Variants in FANCA observed in about 807,000 individuals in gnomAD.
The protein encoded by FANCA is Fanconi anemia group A protein.
FANCA carries 236 observed loss-of-function variants against 194.3 expected under a neutral mutation model. The ratio of observed to expected loss-of-function variants is 1.21; its 90% CI spans 1.09 to 1.35. FANCA has a LOEUF of 1.35. Among genes scored for constraint, FANCA ranks in the 40% most tolerant of loss-of-function variants. The pLI is 0.00. For missense variants in FANCA, 2,628 were observed against 1,813.9 expected (o/e 1.45, Z -8.15); for synonymous variants, 1,014 against 715.8 (o/e 1.42, Z -6.65).
chr16:89,757,980 C>A (rs1374358642), intron 30 of FANCA, among the ~76,000 whole-genome samples: 1 of 152,130 alleles, frequency 6.6e-6, no homozygotes, highest in African/African-American at 2.4e-5. Context: ...CTCAGCCTCC[C>A]AAGTAGCTGG....
At position 89,739,118 on chromosome 16, in the gene FANCA, G is replaced by A. The variant is rs2062053171; in HGVS notation, c.4167+15C>T. On this transcript the variant is annotated intron_variant, in intron 41 of 42. Coordinates refer to ENST00000389301, the MANE Select transcript of FANCA (RefSeq NM_000135.4). ...GGGGAGCTCCCCTGGAGGTGGGACT[G>A]GCCCTTGCACCTGCCTGACCCTTGA... 2 of 1,614,064 alleles carry A rather than the reference G, an allele frequency of 1.2e-6. No individual in the cohort carries two copies. Among genetic ancestry groups the A allele is most frequent in the Non-Finnish European group, 1.7e-6 (2 of 1,179,970 alleles).
Position 89,816,566 on chromosome 16 carries a change from C to A in FANCA, c.50G>T (p.Gly17Val). 1.3e-6 allele frequency: 2 copies of A among 1,513,230 alleles called. No individual in the cohort carries two copies. Among genetic ancestry groups the A allele is most frequent in the East Asian group, 2.7e-5 (1 of 37,632 alleles). The allele number at this position is 1,513,230 out of a possible 1,614,324, so 93.7% of individuals were successfully genotyped here. A position where few individuals can be genotyped will look rare whatever the true frequency, so the allele number is the denominator to read the frequency against. The change falls in exon 1 of 43, where the codon GGC (glycine) becomes GTC (valine). Residue 17 changes from glycine to valine, a missense_variant. Gly to Val is a moderately radical substitution (Grantham distance 109). Coordinates refer to ENST00000389301, the MANE Select transcript of FANCA (RefSeq NM_000135.4). ...CAGCTCGGCCCAGGCCCTCCGGCGG[C>A]CCCCTGGGTCCTGGCCCGAGGCGGA... ...PNSASGQDPG[G>V]RRRAWAELLA...
chr16:89,738,841 C>G (rs756431845), intron 42 of FANCA, 41 bp downstream of exon 42: 1 of 1,614,154 alleles, frequency 6.2e-7, no homozygotes, highest in South Asian at 1.1e-5. Context: ...TGTCAATTCT[C>G]ATGTCCCCCA....
chr16:89,799,509 G>C, intron 9 of FANCA, 96 bp downstream of exon 9: 1 of 1,251,634 alleles, frequency 8.0e-7, no homozygotes, highest in Non-Finnish European at 1.2e-6. Context: ...AACATACAGA[G>C]GAGAAATACC....
At chr16:89,749,649 C>T in intron 32 of FANCA, 81 bp downstream of exon 32, 6 of 1,527,740 alleles carry the variant, frequency 3.9e-6, no homozygotes, top group Non-Finnish European at 5.3e-6. Flanking sequence ...AACAAACTCA[C>T]TACAAAGAAC....
chr16:89,768,050 G>A (rs148780324), intron 26 of FANCA, among the ~76,000 whole-genome samples: 11 of 152,264 alleles, frequency 7.2e-5, no homozygotes, highest in African/African-American at 2.2e-4. Flanking sequence ...GAGTGCAGTC[G>A]CACAATCACA....
At position 89,746,865 on chromosome 16, in the gene FANCA, G is replaced by A; in HGVS notation, c.3374C>T (p.Ala1125Val). Residue 1125 changes from alanine (A) to valine (V), a missense_variant, in exon 34 of 43, where the codon GCC becomes GTC. By Grantham distance (64) the Ala-to-Val change is moderately conservative. Transcript: ENST00000389301. ...GTGGGCAGTGATGTCCTGTGTCAGG[G>A]CACCTCCGTGGGAGCAGAAGTTTCT... is the stretch of plus-strand genomic sequence containing the variant. ...EMRNFCSHGG[A>V]LTQDITAHFF... 1.3e-6 allele frequency: 2 copies of A among 1,560,970 alleles called. No homozygotes were observed. Among genetic ancestry groups the A allele is most frequent in the Non-Finnish European group, 1.7e-6 (2 of 1,151,498 alleles).
intron 28 of FANCA, among the ~76,000 whole-genome samples, chr16:89,764,293 G>A (rs1057248048): frequency 1.3e-4 from 20 of 152,032 alleles, no homozygotes; most frequent in African/African-American, 3.9e-4. Context: ...GTATAGCAGG[G>A]TTTCTCTGTA....
intron 17 of FANCA, among the ~76,000 whole-genome samples, chr16:89,780,251 T>C (rs2039654734): frequency 6.6e-6 from 1 of 152,130 alleles, no homozygotes; most frequent in South Asian, 2.1e-4. Flanking sequence ...CGTGAGCCTC[T>C]TTCCTGCCTC....
intron 30 of FANCA, among the ~76,000 whole-genome samples, chr16:89,753,568 T>A (rs2038670491): frequency 6.6e-6 from 1 of 152,242 alleles, no homozygotes; most frequent in South Asian, 2.1e-4. Context: ...TGACGAAATG[T>A]GACATCCTTT....
At chr16:89,790,083 A>C (rs1204137565) in intron 14 of FANCA, among the ~76,000 whole-genome samples, 1 of 152,210 alleles carries the variant, frequency 6.6e-6, no homozygotes, top group Non-Finnish European at 1.5e-5. Flanking sequence ...GAAATGAAGT[A>C]CTTGTTTCAG....
chr16:89,772,426 T>C (rs1007931), intron 22 of FANCA, among the ~76,000 whole-genome samples: 66,380 of 152,116 alleles, frequency 0.44, 15,941 homozygotes, highest in East Asian at 0.75. Flanking sequence ...TGTGTTAACA[T>C]TGCCTCCATG....
At chr16:89,742,673 A>AAAAAAAAAAAAAAAAC in intron 37 of FANCA, 127 bp downstream of exon 37, 1 of 861,600 alleles carries the variant, frequency 1.2e-6, no homozygotes, top group East Asian at 3.4e-5. Context: ...AAAAAAAAAA[A>AAAAAAAAAAAAAAAAC]AAAGTCTTGC....
At chr16:89,808,981 C>T (rs940964613) in intron 5 of FANCA, among the ~76,000 whole-genome samples, 22 of 152,108 alleles carry the variant, frequency 1.4e-4, no homozygotes, top group Admixed American at 3.3e-4. Flanking sequence ...TCTCGGGTCA[C>T]TGTAAGCTCT....
chr16:89,795,313 A>C (rs1567638736), intron 11 of FANCA, among the ~76,000 whole-genome samples: 1 of 150,564 alleles, frequency 6.6e-6, no homozygotes, highest in Non-Finnish European at 1.5e-5. Context: ...TAAATAAATA[A>C]ATAAATAAAT....
intron 2 of FANCA, among the ~76,000 whole-genome samples, chr16:89,814,917 G>A (rs1258137598): frequency 6.6e-6 from 1 of 151,924 alleles, no homozygotes; most frequent in Non-Finnish European, 1.5e-5. Context: ...TACCAGCCCA[G>A]GCTACAGTGT....
At chr16:89,785,853 G>GTGTTT (rs1555557051) in intron 14 of FANCA, among the ~76,000 whole-genome samples, 2 of 113,172 alleles carry the variant, frequency 1.8e-5, no homozygotes, top group Admixed American at 1.0e-4. Flanking sequence ...GCAAAATTGT[G>GTGTTT]TTTTGTTTTT....
chr16:89,811,804 C>G (rs945469912), intron 3 of FANCA, among the ~76,000 whole-genome samples: 5 of 152,118 alleles, frequency 3.3e-5, no homozygotes, highest in African/African-American at 1.2e-4. Context: ...CATCTCAGCT[C>G]ACTGCAACCT....
intron 8 of FANCA, among the ~76,000 whole-genome samples, chr16:89,800,425 T>TG (rs1598167332): frequency 6.6e-6 from 1 of 152,178 alleles, no homozygotes; most frequent in Non-Finnish European, 1.5e-5. Context: ...GTAGGCAAAA[T>TG]GGGAGCCACT....
Sources: allele counts gnomAD v4.1 joint callset (sites outside exome capture counted in the v4.1 genomes callset), GRCh38; gene constraint gnomAD v4.1.1; transcripts MANE v1.5; gene names NCBI Gene and HGNC (gene_info 2026-07-23, HGNC 2026-07-21).